Variants in EEPD1 observed in about 807,000 individuals in gnomAD.
EEPD1 encodes endonuclease/exonuclease/phosphatase family domain containing 1.
Under a neutral mutation model 46.3 loss-of-function variants are expected in EEPD1, and 17 were observed. The observed-to-expected ratio is 0.37, with a 90% CI of 0.25 to 0.55. The LOEUF is 0.55. Among genes scored for constraint, EEPD1 ranks in the 20% least tolerant of loss-of-function variants. The pLI is 0.83. For synonymous variants in EEPD1, 313 were observed against 315.6 expected (o/e 0.99, Z 0.09); for missense variants, 673 against 745.6 (o/e 0.90, Z 1.13).
At chr7:36,274,361 A>G (rs1787154113) in intron 3 of EEPD1, among the ~76,000 whole-genome samples, 1 of 152,232 alleles carries the variant, frequency 6.6e-6, no homozygotes, top group Non-Finnish European at 1.5e-5. Flanking sequence ...CTCAGCAGAG[A>G]GTGTATTTCT....
intron 3 of EEPD1, among the ~76,000 whole-genome samples, chr7:36,243,876 A>G (rs1786595151): frequency 7.5e-6 from 1 of 133,466 alleles, no homozygotes; most frequent in Non-Finnish European, 1.6e-5. Flanking sequence ...GAAGGGGAAC[A>G]TCACACTCTG....
In EEPD1 at chr7:36,225,626, A is replaced by G. The variant is rs1345282893; in HGVS notation, c.879-13359A>G. On this transcript the variant is annotated intron_variant, in intron 2 of 7. Coordinates refer to ENST00000242108, the MANE Select transcript of EEPD1 (RefSeq NM_030636.3). The surrounding 1 kb of genome is among the most constrained non-coding windows in gnomAD (Gnocchi z 4.2). ...CGACTTTAGACTTGTTCTGTATAAC[A>G]AAGAGACTGTGTTTACAGAACCTGT... Among the ~76,000 whole-genome samples, 1 of 152,236 alleles carries G rather than the reference A, an allele frequency of 6.6e-6. No individual in the cohort carries two copies. Among genetic ancestry groups the G allele is most frequent in the Non-Finnish European group, 1.5e-5 (1 of 68,044 alleles).
chr7:36,271,450 TG>T (rs1407938053), intron 3 of EEPD1, among the ~76,000 whole-genome samples: 1 of 152,154 alleles, frequency 6.6e-6, no homozygotes, highest in Admixed American at 6.5e-5. Flanking sequence ...CACTTTTTGA[TG>T]GGGTTGTTTG....
intron 4 of EEPD1, among the ~76,000 whole-genome samples, chr7:36,284,443 G>A: frequency 6.6e-6 from 1 of 152,204 alleles, no homozygotes; most frequent in Non-Finnish European, 1.5e-5. Flanking sequence ...TCCCCCCAAA[G>A]ACAGAAGAGC....
chr7:36,257,637 T>C (rs1257896180), intron 3 of EEPD1, among the ~76,000 whole-genome samples: 1 of 152,246 alleles, frequency 6.6e-6, no homozygotes, highest in Non-Finnish European at 1.5e-5. Flanking sequence ...TTGTATATGC[T>C]TCACGAAGTT....
intron 2 of EEPD1, among the ~76,000 whole-genome samples, chr7:36,204,151 C>G (rs1285019346): frequency 2.6e-5 from 4 of 151,570 alleles, no homozygotes; most frequent in Non-Finnish European, 5.9e-5. Context: ...CCTCCCATCT[C>G]AGCCCTCTGA....
intron 2 of EEPD1, among the ~76,000 whole-genome samples, chr7:36,235,836 ACT>A (rs1048985799): frequency 3.9e-5 from 6 of 152,086 alleles, no homozygotes; most frequent in African/African-American, 9.7e-5. Flanking sequence ...TAGCATTTTA[ACT>A]CTTTTTAAGT....
intron 3 of EEPD1, among the ~76,000 whole-genome samples, chr7:36,257,433 A>C (rs184370641): frequency 4.1e-4 from 62 of 151,456 alleles, no homozygotes; most frequent in African/African-American, 1.5e-3. Flanking sequence ...GTTGGTTTCC[A>C]TTCTCCCCGT....
Position 36,183,585 on chromosome 7 carries a change from CA to C in EEPD1, c.878+28387del, listed in dbSNP as rs758259030. ...TGTTTTTGTTTGTTTTCCTCAGACT[CA>C]AAAGTTTTCCACAATTGTGTACCTT... On this transcript the variant is annotated intron_variant, in intron 2 of 7. Transcript: ENST00000242108. 1.9e-3 allele frequency among the ~76,000 whole-genome samples: 293 copies of C among 152,282 alleles called. 4 individuals are homozygous for C. Among genetic ancestry groups the C allele is most frequent in the Non-Finnish European group, 1.5e-3 (101 of 68,008 alleles).
At chr7:36,177,459 ATCTT>A (rs1326639898) in intron 2 of EEPD1, among the ~76,000 whole-genome samples, 1 of 151,868 alleles carries the variant, frequency 6.6e-6, no homozygotes, top group Non-Finnish European at 1.5e-5. Context: ...TCTTGTTCTC[ATCTT>A]TATGTCCATG....
intron 2 of EEPD1, among the ~76,000 whole-genome samples, chr7:36,185,316 G>A (rs925772555): frequency 6.6e-6 from 1 of 152,168 alleles, no homozygotes; most frequent in Non-Finnish European, 1.5e-5. Flanking sequence ...GCCTGCTGTT[G>A]CATGTAACTG....
intron 2 of EEPD1, among the ~76,000 whole-genome samples, chr7:36,157,626 A>C (rs528879628): frequency 1.3e-4 from 20 of 152,384 alleles, no homozygotes; most frequent in African/African-American, 3.8e-4. Context: ...GCACCGTCAC[A>C]TTCTCACTCT....
intron 3 of EEPD1, among the ~76,000 whole-genome samples, chr7:36,262,638 G>A (rs1416951713): frequency 6.6e-6 from 1 of 152,062 alleles, no homozygotes; most frequent in Non-Finnish European, 1.5e-5. Flanking sequence ...ATTTGGGAGG[G>A]GAGCATGTAC....
At chr7:36,180,518 G>T (rs1785254542) in intron 2 of EEPD1, among the ~76,000 whole-genome samples, 1 of 152,210 alleles carries the variant, frequency 6.6e-6, no homozygotes. Flanking sequence ...ACCCACAGCT[G>T]CAGTCCTAAA....
chr7:36,243,329 A>G (rs1786586829), intron 3 of EEPD1, among the ~76,000 whole-genome samples: 1 of 151,832 alleles, frequency 6.6e-6, no homozygotes, highest in Non-Finnish European at 1.5e-5. Context: ...TTTGGCACCA[A>G]AAGAGAAGAA....
intron 3 of EEPD1, among the ~76,000 whole-genome samples, chr7:36,246,710 A>G (rs1786646351): frequency 6.6e-6 from 1 of 151,996 alleles, no homozygotes. Context: ...TTAGAATTTC[A>G]GCTTTGGAGC....
intron 6 of EEPD1, among the ~76,000 whole-genome samples, chr7:36,294,553 C>T (rs1787492760): frequency 6.6e-6 from 1 of 152,068 alleles, no homozygotes; most frequent in African/African-American, 2.4e-5. Context: ...ATAAGAAGAA[C>T]TTAGTGGGTA....
intron 2 of EEPD1, among the ~76,000 whole-genome samples, chr7:36,170,239 T>C (rs941921098): frequency 6.6e-6 from 1 of 152,066 alleles, no homozygotes; most frequent in African/African-American, 2.4e-5. Context: ...TGAAACTCTG[T>C]CTCTACTAAA....
chr7:36,156,258 A>T (rs1435811659), intron 2 of EEPD1, among the ~76,000 whole-genome samples: 1 of 152,172 alleles, frequency 6.6e-6, no homozygotes, highest in Non-Finnish European at 1.5e-5. Context: ...CACCAGGAAA[A>T]TTAGTGAGGA....
Sources: gnomAD v4.1 joint callset for allele counts (sites outside exome capture counted in the v4.1 genomes callset) on GRCh38, gnomAD v4.1.1 for gene constraint, Gnocchi (gnomAD v3.1) non-coding constraint, MANE v1.5 for transcripts, NCBI Gene and HGNC (gene_info 2026-07-23, HGNC 2026-07-21) for gene names.